Variants in FKBP15 observed in about 807,000 individuals in gnomAD.
FKBP15 encodes the protein FKBP prolyl isomerase family member 15, also known as FK506-binding protein 15.
FKBP15 carries 106 observed loss-of-function variants against 158.1 expected under a neutral mutation model. That is an observed-to-expected ratio of 0.67 (90% CI 0.57 to 0.79). The LOEUF (loss-of-function observed/expected upper bound fraction) is 0.79, where lower values mean the gene tolerates loss of function less well. Ranked by LOEUF, FKBP15 falls within the 30% of genes least tolerant of loss-of-function variation. The pLI is 0.00. For missense variants in FKBP15, 1,287 were observed against 1,479.1 expected (o/e 0.87, Z 2.13); for synonymous variants, 547 against 548.6 (o/e 1.00, Z 0.04).
chr9:113,190,643 T>C (rs1830559078), intron 11 of FKBP15, 65 bp from the exon 12 acceptor site: 1 of 1,185,418 alleles, frequency 8.4e-7, no homozygotes, highest in Non-Finnish European at 1.2e-6. Context: ...GGCAGCTCTA[T>C]CCCTTTGGCT....
Position 113,198,176 on chromosome 9 carries a change from G to C in FKBP15, c.717+679C>G, listed in dbSNP as rs562435437. 3.3e-4 allele frequency among the ~76,000 whole-genome samples: 50 copies of C among 152,290 alleles called. No individual in the cohort carries two copies. Among genetic ancestry groups the C allele is most frequent in the African/African-American group, 1.2e-3 (49 of 41,548 alleles). On this transcript the variant is annotated intron_variant, in intron 8 of 27. Coordinates refer to ENST00000238256, the MANE Select transcript of FKBP15 (RefSeq NM_015258.2). The surrounding 1 kb of genome is among the most constrained non-coding windows in gnomAD (Gnocchi z 5.2). ...TCACAGTTGCCTTCTACAGTGATTG[G>C]AAAGTGCTGATTCAAAGCAATCCAG...
intron 25 of FKBP15, 146 bp from the exon 26 acceptor site, chr9:113,170,088 G>A: frequency 9.0e-7 from 1 of 1,115,348 alleles, no homozygotes; most frequent in Non-Finnish European, 1.2e-6. Flanking sequence ...AGTCACTCCA[G>A]GCATCCTAAT....
At chr9:113,199,467 T>C (rs2039745867) in intron 7 of FKBP15, among the ~76,000 whole-genome samples, 1 of 152,162 alleles carries the variant, frequency 6.6e-6, no homozygotes, top group Non-Finnish European at 1.5e-5. Context: ...AGAAAAACTA[T>C]AAGGAGGGTC....
Position 113,161,316 on chromosome 9 carries a change from T to C in FKBP15, c.*4762A>G. ...CCCTGGATTTTTCAGGTGGCTTCTC[T>C]TCCTGATCTCAAAGCCACACTCCAG... On this transcript the variant is annotated 3_prime_UTR_variant, in exon 28 of 28. Coordinates refer to ENST00000238256, the MANE Select transcript of FKBP15 (RefSeq NM_015258.2). The C allele has an allele frequency of 1.7e-6, 1 of 592,172 alleles. No homozygotes were observed. The highest frequency in any genetic ancestry group is 2.9e-5 in the East Asian group (1 of 34,522). 36.7% of individuals were successfully genotyped at this position (592,172 alleles called of 1,614,324 possible).
chr9:113,171,691 C>T lies in FKBP15; in HGVS notation c.2548G>A (p.Ala850Thr). ...QLQEKCLALQ[A>T]QITALTKQNE... Reference sequence around the variant, plus strand: ...TGCTTGGTGAGAGCTGTGATTTGGGCCTGGAGGGCTAAACACTGCAAAACA... The same window carrying T: ...TGCTTGGTGAGAGCTGTGATTTGGGTCTGGAGGGCTAAACACTGCAAAACA... Residue 850 changes from alanine (A) to threonine (T), a missense_variant, in exon 24 of 28, where the codon GCC (alanine) becomes ACC (threonine). Coordinates refer to ENST00000238256, the MANE Select transcript of FKBP15 (RefSeq NM_015258.2). 6.3e-7 allele frequency: 1 copy of T among 1,596,494 alleles called. No homozygotes were observed. The highest frequency in any genetic ancestry group is 8.5e-7 in the Non-Finnish European group (1 of 1,171,182).
At position 113,169,798 on chromosome 9, in the gene FKBP15, G is replaced by T; in HGVS notation, c.2911C>A (p.Pro971Thr). ...ASASSGQPQA[P>T]LNRERPESPM... The stretch of plus-strand genomic sequence containing the variant: ...GACTCTGGCCTCTCCCTATTCAGGG[G>T]TGCTTGAGGCTGCCCAGAACTGGCT... Residue 971 changes from proline (P) to threonine (T), a missense_variant, in exon 26 of 28, where the codon CCC becomes ACC. Coordinates refer to ENST00000238256, the MANE Select transcript of FKBP15 (RefSeq NM_015258.2). The T allele has an allele frequency of 6.3e-7, 1 of 1,583,944 alleles. No homozygotes were observed. Among genetic ancestry groups the T allele is most frequent in the Non-Finnish European group, 8.6e-7 (1 of 1,164,386 alleles).
chr9:113,201,959 T>C (rs1386872846), intron 6 of FKBP15, among the ~76,000 whole-genome samples: 1 of 152,236 alleles, frequency 6.6e-6, no homozygotes, highest in East Asian at 1.9e-4. Context: ...CTTTGAGTAG[T>C]AAGACTATGA....
intron 26 of FKBP15, 52 bp downstream of exon 26, chr9:113,169,172 A>G (rs1282243092): frequency 6.5e-6 from 10 of 1,544,156 alleles, no homozygotes; most frequent in Non-Finnish European, 7.8e-6. Context: ...AAACAGAGAC[A>G]CTCACCACAG....
intron 7 of FKBP15, among the ~76,000 whole-genome samples, chr9:113,199,525 A>G (rs1472899907): frequency 6.6e-6 from 1 of 152,230 alleles, no homozygotes; most frequent in Non-Finnish European, 1.5e-5. Context: ...ATTCAAGTGT[A>G]AAACTGGTAT....
intron 8 of FKBP15, 49 bp from the exon 9 acceptor site, chr9:113,197,127 A>T: frequency 6.3e-7 from 1 of 1,596,914 alleles, no homozygotes; most frequent in Non-Finnish European, 8.6e-7. Context: ...GCTCCTCAGA[A>T]GACAAAGTGA....
intron 15 of FKBP15, among the ~76,000 whole-genome samples, chr9:113,185,720 T>G (rs1830474804): frequency 6.6e-6 from 1 of 152,014 alleles, no homozygotes; most frequent in African/African-American, 2.4e-5. Context: ...GGTCAGGGGG[T>G]TTATGGAGGG....
rs150054161 is a variant in FKBP15, at chr9:113,164,977, G to A, written c.*1101C>T. On this transcript the variant is annotated 3_prime_UTR_variant, in exon 28 of 28. Transcript: ENST00000238256. Reference sequence around the variant, plus strand: ...CAAGGATGATGCCAGGCCAGATGAAGTGGAATTTTGGGTCCTATCTTTTAA... The same window carrying A: ...CAAGGATGATGCCAGGCCAGATGAAATGGAATTTTGGGTCCTATCTTTTAA... 28 of 152,326 alleles carry A rather than the reference G, an allele frequency of 1.8e-4. No individual in the cohort carries two copies. Among genetic ancestry groups the A allele is most frequent in the Middle Eastern group, 6.8e-3 (2 of 294 alleles). 9.4% of individuals were successfully genotyped at this position (152,326 alleles called of 1,614,324 possible).
In FKBP15 at chr9:113,171,653, G is replaced by GTGC. The variant is rs751913839; in HGVS notation, c.2583_2585dup (p.Gln861dup). ...ACTTGTTCTTCTCTAGTTCCTTGAT[G>GTGC]TGCTGTTCATTTTGCTTGGTGAGAG... On this transcript the variant is annotated inframe_insertion, in exon 24 of 28. Transcript: ENST00000238256. The GTGC allele has an allele frequency of 3.7e-5, 60 of 1,603,620 alleles. No individual in the cohort carries two copies. Among genetic ancestry groups the GTGC allele is most frequent in the Non-Finnish European group, 4.9e-5 (57 of 1,174,868 alleles).
intron 6 of FKBP15, among the ~76,000 whole-genome samples, chr9:113,202,108 G>A (rs1830803345): frequency 6.6e-6 from 1 of 151,912 alleles, no homozygotes; most frequent in African/African-American, 2.4e-5. Flanking sequence ...TGCCCAGGCT[G>A]ATCTTGAACT....
At chr9:113,193,437 A>T in intron 11 of FKBP15, 55 bp downstream of exon 11, 6 of 1,446,792 alleles carry the variant, frequency 4.1e-6, no homozygotes, top group Non-Finnish European at 5.7e-6. Flanking sequence ...AGCTTCGCAA[A>T]GTGTTAGGAT....
At chr9:113,177,138 A>T (rs1036954056) in intron 20 of FKBP15, among the ~76,000 whole-genome samples, 26 of 152,190 alleles carry the variant, frequency 1.7e-4, no homozygotes, top group Admixed American at 1.0e-3. Context: ...AGCAGTCAGA[A>T]ATGACCTTTG....
At chr9:113,194,818 A>G (rs890864161) in intron 9 of FKBP15, among the ~76,000 whole-genome samples, 1 of 152,226 alleles carries the variant, frequency 6.6e-6, no homozygotes, top group Non-Finnish European at 1.5e-5. Context: ...ATCTATAGGA[A>G]AAAGTATCCA....
At chr9:113,193,712 T>C (rs2118908879) in intron 10 of FKBP15, among the ~76,000 whole-genome samples, 163 bp from the exon 11 acceptor site, 1 of 152,376 alleles carries the variant, frequency 6.6e-6, no homozygotes, top group South Asian at 2.1e-4. Flanking sequence ...TGAATGCTAG[T>C]AAAGATGAAC....
In FKBP15 at chr9:113,211,558, C is replaced by A; in HGVS notation, c.88G>T (p.Ala30Ser). 1.9e-6 allele frequency: 3 copies of A among 1,606,070 alleles called. No individual in the cohort carries two copies. Among genetic ancestry groups the A allele is most frequent in the Non-Finnish European group, 2.6e-6 (3 of 1,176,192 alleles). Residue 30 changes from alanine to serine, a missense_variant, in exon 2 of 28, where the codon GCA (alanine) becomes TCA (serine). Ala to Ser is a moderately conservative substitution (Grantham distance 99). Coordinates refer to ENST00000238256, the MANE Select transcript of FKBP15 (RefSeq NM_015258.2). ...AATTCATTTCCATGGCCAGCAGCTG[C>A]CTGATCCAGTCCAAAAAGTGAGGCC... Reference protein sequence around the residue: ...RLASLFGLDQAAAGHGNEFFQ... With the variant: ...RLASLFGLDQSAAGHGNEFFQ...
Sources: gnomAD v4.1 joint callset for allele counts (sites outside exome capture counted in the v4.1 genomes callset) on GRCh38, gnomAD v4.1.1 for gene constraint, Gnocchi (gnomAD v3.1) non-coding constraint, MANE v1.5 for transcripts, NCBI Gene and HGNC (gene_info 2026-07-23, HGNC 2026-07-21) for gene names.